The following CDKL3 variants were observed in gnomAD, a reference collection of about 807,000 sequenced individuals.
CDKL3 encodes cyclin dependent kinase like 3.
In CDKL3, 65 loss-of-function variants were observed where a neutral mutation model predicts 69.3. The ratio of observed to expected loss-of-function variants is 0.94; its 90% CI spans 0.77 to 1.15. The LOEUF (loss-of-function observed/expected upper bound fraction) is 1.15. CDKL3 is among the 50% of genes most tolerant of loss of function. The pLI is 0.00. For missense variants in CDKL3, 652 were observed against 689.2 expected (o/e 0.95, Z 0.61); for synonymous variants, 202 against 221.6 (o/e 0.91, Z 0.79).
At chr5:134,295,096 C>T (rs1765294008), downstream of CDKL3, among the ~76,000 whole-genome samples, 1 of 146,426 alleles carries the variant, frequency 6.8e-6, no homozygotes, top group African/African-American at 2.5e-5. Context: ...TTCACTGCAA[C>T]CTCCACCTCC....
intron 6 of CDKL3, among the ~76,000 whole-genome samples, chr5:134,315,680 CATA>C: frequency 6.6e-6 from 1 of 152,030 alleles, no homozygotes; most frequent in Non-Finnish European, 1.5e-5. Context: ...TGAATATTAG[CATA>C]ATGTTTCTCT....
At chr5:134,345,866 CCACT>C (rs1751730449) in intron 4 of CDKL3, among the ~76,000 whole-genome samples, 1 of 152,152 alleles carries the variant, frequency 6.6e-6, no homozygotes, top group African/African-American at 2.4e-5. Flanking sequence ...CTGACAGCAC[CCACT>C]GATTTTGAAC....
intron 10 of CDKL3, among the ~76,000 whole-genome samples, chr5:134,305,074 C>T (rs1305570063): frequency 6.6e-6 from 1 of 151,592 alleles, no homozygotes; most frequent in Non-Finnish European, 1.5e-5. Flanking sequence ...TCCCAAAATG[C>T]TGGGATTACA....
intron 8 of CDKL3, among the ~76,000 whole-genome samples, chr5:134,289,695 CT>C (rs1765038672): frequency 6.6e-6 from 1 of 152,146 alleles, no homozygotes; most frequent in African/African-American, 2.4e-5. Flanking sequence ...GACTCCAGCT[CT>C]TGAAAATGCT....
upstream of CDKL3, chr5:134,371,402 T>G: frequency 1.4e-6 from 1 of 725,406 alleles, no homozygotes; most frequent in Non-Finnish European, 2.2e-6. Context: ...ACTCACACTG[T>G]GGTAGCGGCG....
intron 4 of CDKL3, among the ~76,000 whole-genome samples, chr5:134,339,475 T>C (rs1033826700): frequency 6.6e-6 from 1 of 152,044 alleles, no homozygotes; most frequent in Admixed American, 6.6e-5. Flanking sequence ...AAAGGGGGAA[T>C]CTATTAGAAA....
At chr5:134,369,056 G>C (rs973750889), upstream of CDKL3, among the ~76,000 whole-genome samples, 1 of 152,254 alleles carries the variant, frequency 6.6e-6, no homozygotes, top group East Asian at 1.9e-4. Flanking sequence ...CCAGGACAAA[G>C]ATGAACCAAA....
At chr5:134,316,193 C>A (rs1440353877) in intron 6 of CDKL3, among the ~76,000 whole-genome samples, 5 of 152,144 alleles carry the variant, frequency 3.3e-5, no homozygotes. Context: ...CTCAAGTGAT[C>A]CTCCCACCTC....
chr5:134,310,855 A>G (rs1353399456), intron 7 of CDKL3, among the ~76,000 whole-genome samples: 1 of 152,192 alleles, frequency 6.6e-6, no homozygotes, highest in Non-Finnish European at 1.5e-5. Context: ...GCAAAGTTCT[A>G]GTCACCCTCA....
Position 134,349,370 on chromosome 5 carries a change from C to T in CDKL3, c.539+879G>A, listed in dbSNP as rs533298805. Among the ~76,000 whole-genome samples the T allele has an allele frequency of 6.6e-5, 10 of 152,114 alleles. No individual in the cohort carries two copies. The South Asian group carries it at 1.9e-3, about 28-fold the overall frequency. ...TTTAGGCTGCTGTTTTATGTTAGAC[C>T]GAGATCATGCTACTTTTGAAGTAAT... On this transcript the variant is annotated intron_variant, in intron 4 of 12. Transcript: ENST00000265334.
chr5:134,287,653 C>T (rs1386452404), intron 8 of CDKL3, among the ~76,000 whole-genome samples: 1 of 152,162 alleles, frequency 6.6e-6, no homozygotes, highest in Non-Finnish European at 1.5e-5. Context: ...TATGGAGAAC[C>T]AAATAGGAGC....
intron 1 of CDKL3, 135 bp downstream of exon 1, chr5:134,366,842 C>T (rs1757553495): frequency 2.1e-6 from 2 of 939,396 alleles, no homozygotes; most frequent in Non-Finnish European, 2.6e-6. Flanking sequence ...AGCATGGGGT[C>T]CCTACACTTC....
intron 4 of CDKL3, among the ~76,000 whole-genome samples, chr5:134,338,512 A>G (rs1168562400): frequency 2.6e-5 from 4 of 151,870 alleles, no homozygotes; most frequent in Non-Finnish European, 2.9e-5. Context: ...CAATATGGTG[A>G]AACTCCATCT....
intron 3 of CDKL3, among the ~76,000 whole-genome samples, chr5:134,350,751 A>C (rs1753043130): frequency 6.6e-6 from 1 of 151,468 alleles, no homozygotes; most frequent in Admixed American, 6.6e-5. Context: ...AGGCCAAGGC[A>C]GGAGGATCAC....
chr5:134,301,670 A>G (rs1286582177), intron 12 of CDKL3, among the ~76,000 whole-genome samples: 3 of 152,214 alleles, frequency 2.0e-5, no homozygotes, highest in South Asian at 4.2e-4. Context: ...TCACGAGGTC[A>G]GGAGATCGAG....
chr5:134,330,751 C>T (rs1775578654), intron 4 of CDKL3, among the ~76,000 whole-genome samples: 1 of 152,096 alleles, frequency 6.6e-6, no homozygotes, highest in Non-Finnish European at 1.5e-5. Flanking sequence ...GGCTAACTTT[C>T]TCGAAACATT....
chr5:134,346,050 G>C (rs968504398), intron 4 of CDKL3, among the ~76,000 whole-genome samples: 3 of 152,080 alleles, frequency 2.0e-5, no homozygotes, highest in Non-Finnish European at 4.4e-5. Flanking sequence ...ACAGAAACCA[G>C]GATTCCTCTT....
chr5:134,315,526 TCTCA>T (rs1292703527), intron 6 of CDKL3, among the ~76,000 whole-genome samples: 1 of 152,042 alleles, frequency 6.6e-6, no homozygotes, highest in Admixed American at 6.6e-5. Context: ...AGAGACAGGG[TCTCA>T]CTATGTTGCC....
intron 4 of CDKL3, among the ~76,000 whole-genome samples, chr5:134,322,275 G>C (rs987950058): frequency 2.0e-5 from 3 of 152,130 alleles, no homozygotes; most frequent in Non-Finnish European, 4.4e-5. Flanking sequence ...GCCTCCCAAA[G>C]TGCTGGGATT....
Sources: allele counts gnomAD v4.1 joint callset (sites outside exome capture counted in the v4.1 genomes callset), GRCh38; gene constraint gnomAD v4.1.1; transcripts MANE v1.5; gene names NCBI Gene and HGNC (gene_info 2026-07-23, HGNC 2026-07-21).